The following HNRNPK variants were observed in gnomAD, a reference collection of about 807,000 sequenced individuals.
The protein encoded by HNRNPK is dC-stretch binding protein.
Under a neutral mutation model 67.0 loss-of-function variants are expected in HNRNPK, and 7 were observed. The observed-to-expected ratio is 0.10, with a 90% CI of 0.06 to 0.20. The LOEUF is 0.20. Among genes scored for constraint, HNRNPK ranks in the 10% least tolerant of loss-of-function variants. The pLI is 1.00. For missense variants in HNRNPK, 264 were observed against 606.5 expected (o/e 0.44, Z 5.93); for synonymous variants, 213 against 193.7 (o/e 1.10, Z -0.83).
chr9:83,970,452 C>G, intron 15 of HNRNPK, 121 bp from the exon 16 acceptor site: 1 of 762,462 alleles, frequency 1.3e-6, no homozygotes, highest in South Asian at 1.9e-5. Flanking sequence ...TGATCTAACG[C>G]TCCCTAAACC....
At chr9:83,977,822 C>T (rs770247584) in intron 3 of HNRNPK, 36 bp from the exon 4 acceptor site, 19 of 1,317,016 alleles carry the variant, frequency 1.4e-5, no homozygotes, top group South Asian at 6.0e-5. Flanking sequence ...AAGAAAGCAG[C>T]GAAGTCTCCA....
At chr9:83,972,216 C>A in intron 10 of HNRNPK, 27 bp from the exon 11 acceptor site, 1 of 1,523,782 alleles carries the variant, frequency 6.6e-7, no homozygotes, top group South Asian at 1.3e-5. Context: ...AACAAACTTA[C>A]AGACTGAAGA....
rs747814393 is a variant in HNRNPK, at chr9:83,972,952, C to T, written c.537G>A (p.Lys179=). Residue 179 remains lysine (K), a synonymous_variant, in exon 10 of 17, where the codon AAG becomes AAA. Coordinates refer to ENST00000376263, the MANE Select transcript of HNRNPK (RefSeq NM_031263.4). ...ELRENTQTTI[K]LFQECCPHST... ...AATGAGGACAGCATTCCTGGAAAAG[C>T]TTGATGGTGGTTTGAGTGTTCTGTA... The T allele has an allele frequency of 1.9e-6, 3 of 1,608,732 alleles. No homozygotes were observed. The highest frequency in any genetic ancestry group is 2.5e-6 in the Non-Finnish European group (3 of 1,176,616).
chr9:83,979,626 A>T (rs1957270640), intron 1 of HNRNPK, among the ~76,000 whole-genome samples: 1 of 152,156 alleles, frequency 6.6e-6, no homozygotes, highest in Non-Finnish European at 1.5e-5. Flanking sequence ...TCCGACAGGA[A>T]ATGGCGGCCC....
Position 83,978,253 on chromosome 9 carries a change from A to T in HNRNPK, c.-1T>A, listed in dbSNP as rs138667733. ...TTTCTTCTGGCTGTTCAGTTTCCAT[A>T]TTCTTTTATTAAACGGGCACACCAA... On this transcript the variant is annotated 5_prime_UTR_variant, in exon 3 of 17. Coordinates refer to ENST00000376263, the MANE Select transcript of HNRNPK (RefSeq NM_031263.4). 254 of 1,611,510 alleles carry T rather than the reference A, an allele frequency of 1.6e-4. 1 individual carries two copies. The African/African-American group carries it at 1.8e-3, about 11-fold the overall frequency.
At chr9:83,978,331 TAAAAAAA>T (rs55698797) in intron 2 of HNRNPK, 35 bp downstream of exon 2, 84 of 1,271,224 alleles carry the variant, frequency 6.6e-5, no homozygotes, top group Admixed American at 1.7e-4. Context: ...AAGCAAGCTG[TAAAAAAA>T]AAAAAAAAAA....
intron 6 of HNRNPK, 162 bp downstream of exon 6, chr9:83,975,299 TA>T: frequency 1.5e-6 from 1 of 661,734 alleles, no homozygotes. Flanking sequence ...CAACTCACGG[TA>T]AAAGTTCAGT....
At chr9:83,975,823 A>C in intron 5 of HNRNPK, 1 of 370,402 alleles carries the variant, frequency 2.7e-6, no homozygotes, top group Admixed American at 3.6e-5. Context: ...CTGAAGACTA[A>C]CACAATAATG....
intron 10 of HNRNPK, 171 bp from the exon 11 acceptor site, chr9:83,972,360 A>G (rs1956888714): frequency 1.7e-6 from 1 of 585,606 alleles, no homozygotes; most frequent in African/African-American, 1.9e-5. Context: ...AAAGATTCCA[A>G]AGAAATCCAA....
intron 1 of HNRNPK, among the ~76,000 whole-genome samples, chr9:83,979,083 A>C (rs1296607509): frequency 6.6e-6 from 1 of 152,230 alleles, no homozygotes; most frequent in Non-Finnish European, 1.5e-5. Context: ...GGAGTACAAC[A>C]CAACAATCAT....
rs1434310684 is a variant in HNRNPK, at chr9:83,968,433, TTA to T, written c.*972_*973del. 1 of 152,610 alleles carries T rather than the reference TTA, an allele frequency of 6.6e-6. No homozygotes were observed. The highest frequency in any genetic ancestry group is 6.5e-5 in the Admixed American group (1 of 15,270). The allele number at this position is 152,610 out of a possible 1,614,324, so 9.5% of individuals were successfully genotyped here. A position where few individuals can be genotyped will look rare whatever the true frequency, so the allele number is the denominator to read the frequency against. Reference sequence around the variant, plus strand: ...TAAGACACTAGAGCAAATTGACAGTTTAAGTCTATAGGTGAGAAATTATCTAA... The same window carrying T: ...TAAGACACTAGAGCAAATTGACAGTTAGTCTATAGGTGAGAAATTATCTAA... On this transcript the variant is annotated 3_prime_UTR_variant, in exon 17 of 17. Transcript: ENST00000376263.
At chr9:83,973,431 C>T (rs771810657) in intron 8 of HNRNPK, 32 bp from the exon 9 acceptor site, 9 of 1,223,070 alleles carry the variant, frequency 7.4e-6, no homozygotes, top group Non-Finnish European at 6.1e-6. Context: ...ATTTTAGTCT[C>T]AAATCAACAA....
At chr9:83,971,423 C>A (rs572274082) in intron 12 of HNRNPK, 67 bp from the exon 13 acceptor site, 2 of 1,088,164 alleles carry the variant, frequency 1.8e-6, no homozygotes, top group African/African-American at 1.6e-5. Context: ...TTTTAATATG[C>A]CTAATTTGCA....
chr9:83,974,073 A>G (rs896703824), intron 7 of HNRNPK, 100 bp from the exon 8 acceptor site: 13 of 685,998 alleles, frequency 1.9e-5, no homozygotes, highest in Non-Finnish European at 3.0e-5. Context: ...TTAAATCTAT[A>G]TTATTAAATA....
chr9:83,972,320 G>T (rs762943492), intron 10 of HNRNPK, 131 bp from the exon 11 acceptor site: 5 of 671,234 alleles, frequency 7.4e-6, no homozygotes, highest in Admixed American at 6.8e-5. Context: ...ACAGAAACAG[G>T]AATTATGTCA....
In HNRNPK at chr9:83,968,618, A is replaced by C. The variant is rs1424436531; in HGVS notation, c.*789T>G. The C allele has an allele frequency of 6.6e-6, 1 of 152,612 alleles. No homozygotes were observed. The highest frequency in any genetic ancestry group is 2.4e-5 in the African/African-American group (1 of 41,440). The allele number at this position is 152,612 out of a possible 1,614,324, so 9.5% of individuals were successfully genotyped here. A position where few individuals can be genotyped will look rare whatever the true frequency, so the allele number is the denominator to read the frequency against. On this transcript the variant is annotated 3_prime_UTR_variant, in exon 17 of 17. Coordinates refer to ENST00000376263, the MANE Select transcript of HNRNPK (RefSeq NM_031263.4). ...TTAGTTCTTCACAACTAACATAGAA[A>C]ATTGTTGAAAAGTAGGGGCAAGCAT...
chr9:83,975,704 C>T, intron 5 of HNRNPK, 199 bp from the exon 6 acceptor site: 1 of 610,946 alleles, frequency 1.6e-6, no homozygotes, highest in Non-Finnish European at 3.0e-6. Context: ...ACATGGGCAA[C>T]GGAGATATAT....
At chr9:83,975,101 G>A (rs969134632) in intron 6 of HNRNPK, among the ~76,000 whole-genome samples, 11 of 152,096 alleles carry the variant, frequency 7.2e-5, no homozygotes, top group Non-Finnish European at 2.9e-5. Flanking sequence ...AGAAGTGAAG[G>A]AAAGTGAACC....
At chr9:83,972,489 A>T (rs750016452) in intron 10 of HNRNPK, among the ~76,000 whole-genome samples, 24 of 152,230 alleles carry the variant, frequency 1.6e-4, no homozygotes, top group Non-Finnish European at 2.6e-4. Flanking sequence ...ACACATGACA[A>T]ACTACAATGC....
Sources: allele counts gnomAD v4.1 joint callset (sites outside exome capture counted in the v4.1 genomes callset), GRCh38; gene constraint gnomAD v4.1.1; transcripts MANE v1.5; gene names NCBI Gene and HGNC (gene_info 2026-07-23, HGNC 2026-07-21).